Variants in CSMD1 observed in about 807,000 individuals in gnomAD.
CSMD1 encodes CUB and Sushi multiple domains 1, also known as CUB and sushi domain-containing protein 1.
Under a neutral mutation model 417.5 loss-of-function variants are expected in CSMD1, and 213 were observed. The observed-to-expected ratio is 0.51, with a 90% confidence interval of 0.46 to 0.57. The LOEUF is 0.57. CSMD1 is among the 20% of genes least tolerant of loss of function. The pLI, the probability that CSMD1 is intolerant of heterozygous loss-of-function variation, is 0.00. For synonymous variants in CSMD1, 2,862 were observed against 1,736.8 expected, an observed-to-expected ratio of 1.65 and a Z score of -16.11; for missense variants, 6,923 against 4,529.7, an observed-to-expected ratio of 1.53 and a Z score of -15.17.
chr8:3,972,222 G>C (rs1387717768), intron 5 of CSMD1, among the ~76,000 whole-genome samples: 1 of 146,848 alleles, frequency 6.8e-6, no homozygotes, highest in African/African-American at 2.5e-5. Context: ...AAAGCAGGGA[G>C]AAAAAAAAAA....
intron 1 of CSMD1, among the ~76,000 whole-genome samples, chr8:4,788,969 C>G (rs1797553711): frequency 6.6e-6 from 1 of 152,134 alleles, no homozygotes; most frequent in Non-Finnish European, 1.5e-5. Context: ...GAACTGAGAT[C>G]AGACAGCACT....
intron 13 of CSMD1, among the ~76,000 whole-genome samples, chr8:3,408,627 A>T (rs1338002248): frequency 6.6e-6 from 1 of 152,118 alleles, no homozygotes; most frequent in Non-Finnish European, 1.5e-5. Flanking sequence ...TTAAATTTAT[A>T]TTTTATACTT....
rs185490756 is a variant in CSMD1, at chr8:3,638,541, G to A, written c.1010-21744C>T. On this transcript the variant is annotated intron_variant, in intron 7 of 69. Transcript: ENST00000635120. ...TATTTGGTAATTCAGGAGTAGCAGA[G>A]ATTACAGAGGGGATGCTTGTCCCTG... 4.8e-4 allele frequency among the ~76,000 whole-genome samples: 73 copies of A among 152,282 alleles called. 1 individual carries two copies. Among genetic ancestry groups the A allele is most frequent in the Non-Finnish European group, 7.9e-4 (54 of 68,026 alleles).
At chr8:3,245,665 C>G (rs1394062591) in intron 26 of CSMD1, among the ~76,000 whole-genome samples, 1 of 152,170 alleles carries the variant, frequency 6.6e-6, no homozygotes, top group South Asian at 2.1e-4. Flanking sequence ...AAAACGGCCT[C>G]CTTTCATAAG....
rs140143606 is a variant in CSMD1 at position 3,726,402 on chromosome 8, A to G, written c.932-17911T>C. 7.2e-5 allele frequency among the ~76,000 whole-genome samples: 11 copies of G among 152,356 alleles called. No individual in the cohort carries two copies. In the East Asian group the frequency reaches 1.9e-3, roughly 27 times the overall value. On this transcript the variant is annotated intron_variant, in intron 6 of 69. Coordinates refer to ENST00000635120, the MANE Select transcript of CSMD1 (RefSeq NM_033225.6). ...CTTTCAGGCTATAATATAAGTCTCT[A>G]TAATTAGAAAGGATGGAATGAGATT...
At chr8:4,643,202 G>A (rs747743072) in intron 1 of CSMD1, among the ~76,000 whole-genome samples, 2 of 152,130 alleles carry the variant, frequency 1.3e-5, no homozygotes, top group South Asian at 2.1e-4. Context: ...TCACCACACT[G>A]GCTCCTTTCT....
At chr8:2,986,598 G>C (rs144237024) in intron 54 of CSMD1, among the ~76,000 whole-genome samples, 3,896 of 152,072 alleles carry the variant, frequency 0.026, 165 homozygotes, top group African/African-American at 0.088. Context: ...TACACCTCCC[G>C]GGTTCACACC....
At chr8:4,827,473 A>G (rs1799901271) in intron 1 of CSMD1, among the ~76,000 whole-genome samples, 1 of 152,172 alleles carries the variant, frequency 6.6e-6, no homozygotes, top group South Asian at 2.1e-4. Context: ...AGTCAAAACA[A>G]AGTGCACTTA....
chr8:4,312,286 C>G (rs1798656923), intron 3 of CSMD1, among the ~76,000 whole-genome samples: 1 of 151,262 alleles, frequency 6.6e-6, no homozygotes, highest in Admixed American at 6.6e-5. Context: ...TTGATGTATA[C>G]TCATATAGGT....
chr8:3,528,368 T>A (rs1585309641), intron 10 of CSMD1, among the ~76,000 whole-genome samples: 2 of 152,168 alleles, frequency 1.3e-5, no homozygotes, highest in Admixed American at 6.5e-5. Flanking sequence ...CACAAGAGAA[T>A]ACAAATATCT....
In CSMD1 at chr8:3,464,420, T is replaced by C. The variant is rs1002953165; in HGVS notation, c.1561+4292A>G. 4.6e-5 allele frequency among the ~76,000 whole-genome samples: 7 copies of C among 152,222 alleles called. No individual in the cohort carries two copies. The East Asian group carries it at 1.2e-3, about 25-fold the overall frequency. On this transcript the variant is annotated intron_variant, in intron 12 of 69. Transcript: ENST00000635120. ...TCAATTGAGCATAGGGATTTTTCTT[T>C]ATTTTCTGTGGACTAACAATCAGTT...
At chr8:2,974,113 T>C (rs1804710604) in intron 56 of CSMD1, among the ~76,000 whole-genome samples, 1 of 146,684 alleles carries the variant, frequency 6.8e-6, no homozygotes, top group African/African-American at 2.5e-5. Context: ...TGGTAGAGGA[T>C]GATGGTAGAG....
At chr8:4,841,888 G>A (rs1388584326) in intron 1 of CSMD1, among the ~76,000 whole-genome samples, 9 of 70,004 alleles carry the variant, frequency 1.3e-4, no homozygotes, top group African/African-American at 4.5e-4. Context: ...TCTAGCCGGG[G>A]CAACAAGAGC....
At chr8:3,989,580 T>C (rs564161210) in intron 5 of CSMD1, among the ~76,000 whole-genome samples, 203 of 152,318 alleles carry the variant, frequency 1.3e-3, no homozygotes, top group African/African-American at 4.7e-3. Flanking sequence ...AAGAAAGGGA[T>C]TGCATTAAGA....
chr8:3,754,971 CA>C (rs1373366904), intron 5 of CSMD1, among the ~76,000 whole-genome samples: 2 of 2,786 alleles, frequency 7.2e-4, no homozygotes, highest in Non-Finnish European at 6.5e-3. Flanking sequence ...GCAGTGCATT[CA>C]TTTTAAAAAT....
intron 2 of CSMD1, among the ~76,000 whole-genome samples, chr8:4,428,380 T>A (rs1431495508): frequency 1.3e-5 from 2 of 152,226 alleles, no homozygotes; most frequent in Admixed American, 6.5e-5. Flanking sequence ...GGTAGCTTGT[T>A]ATCTTCCTTG....
chr8:4,562,353 G>C (rs1798382131), intron 2 of CSMD1, among the ~76,000 whole-genome samples: 1 of 152,054 alleles, frequency 6.6e-6, no homozygotes, highest in Non-Finnish European at 1.5e-5. Flanking sequence ...TGGAAGAAGT[G>C]GCACACCAGA....
intron 5 of CSMD1, among the ~76,000 whole-genome samples, chr8:3,782,909 T>C (rs1584990805): frequency 1.3e-5 from 2 of 152,232 alleles, no homozygotes; most frequent in East Asian, 3.9e-4. Context: ...AATAAATAAA[T>C]AAAACTGTGG....
chr8:4,261,452 A>G (rs1803875079), intron 3 of CSMD1, among the ~76,000 whole-genome samples: 1 of 152,226 alleles, frequency 6.6e-6, no homozygotes, highest in South Asian at 2.1e-4. Flanking sequence ...ACAAACTTCC[A>G]GTTCGAAGAT....
Sources: gnomAD v4.1 joint callset for allele counts (sites outside exome capture counted in the v4.1 genomes callset) on GRCh38, gnomAD v4.1.1 for gene constraint, MANE v1.5 for transcripts, NCBI Gene and HGNC (gene_info 2026-07-23, HGNC 2026-07-21) for gene names.